HSD17B6: variants seen among roughly 807,000 people sequenced by gnomAD.
HSD17B6 encodes the protein 17-beta-hydroxysteroid dehydrogenase type 6.
HSD17B6 carries 16 observed loss-of-function variants against 26.4 expected under a neutral mutation model. The observed-to-expected ratio is 0.61, with a 90% CI of 0.41 to 0.92. HSD17B6 has a LOEUF of 0.92. Ranked by LOEUF, HSD17B6 falls within the 40% of genes least tolerant of loss-of-function variation. The probability of loss-of-function intolerance (pLI) is 0.00; values close to 1 mark genes in which losing one functional copy is unlikely to be tolerated. For missense variants in HSD17B6, 357 were observed against 386.1 expected (o/e 0.92, Z 0.63); for synonymous variants, 139 against 153.0 (o/e 0.91, Z 0.68).
At chr12:56,773,666 A>C (rs1335650653) in intron 1 of HSD17B6, among the ~76,000 whole-genome samples, 168 bp from the exon 2 acceptor site, 2 of 152,126 alleles carry the variant, frequency 1.3e-5, no homozygotes, top group Non-Finnish European at 2.9e-5. Context: ...TTGTTTGGTT[A>C]CCTCACTGAC....
At chr12:56,782,524 T>G (rs1375867583) in intron 3 of HSD17B6, among the ~76,000 whole-genome samples, 1 of 152,156 alleles carries the variant, frequency 6.6e-6, no homozygotes, top group Admixed American at 6.6e-5. Context: ...AGGGTCTCAC[T>G]CTGTTGCTCA....
chr12:56,782,265 G>A (rs560467329), intron 3 of HSD17B6, 33 bp downstream of exon 3: 2 of 1,604,294 alleles, frequency 1.2e-6, no homozygotes, highest in South Asian at 2.2e-5. Context: ...CAGCTATTGA[G>A]CACTGAAATA....
chr12:56,770,120 A>G (rs565510834), intron 1 of HSD17B6, among the ~76,000 whole-genome samples: 3 of 152,200 alleles, frequency 2.0e-5, no homozygotes, highest in South Asian at 4.2e-4. Flanking sequence ...GAGAGAGGCA[A>G]AGGGCTTCAG....
Position 56,773,913 on chromosome 12 carries a change from A to G in HSD17B6, c.61A>G (p.Arg21Gly). 1 of 1,613,044 alleles carries G rather than the reference A, an allele frequency of 6.2e-7. No individual in the cohort carries two copies. The highest frequency in any genetic ancestry group is 8.5e-7 in the Non-Finnish European group (1 of 1,179,290). ...CTACCTTCTGCACTGGTACCGGGAG[A>G]GGCAGGTGGTGAGCCACCTCCAAGA... ...LYYLLHWYRE[R>G]QVVSHLQDKY... Residue 21 changes from arginine (R) to glycine (G), a missense_variant, in exon 2 of 5, where the codon AGG becomes GGG. Transcript: ENST00000322165.
At chr12:56,774,211 AG>A in intron 2 of HSD17B6, 46 bp downstream of exon 2, 1 of 1,501,080 alleles carries the variant, frequency 6.7e-7, no homozygotes, top group South Asian at 1.3e-5. Flanking sequence ...GAAGATGCTA[AG>A]GTTATATATA....
At chr12:56,766,093 C>A (rs1443942399) in intron 1 of HSD17B6, among the ~76,000 whole-genome samples, 1 of 151,958 alleles carries the variant, frequency 6.6e-6, no homozygotes, top group Non-Finnish European at 1.5e-5. Context: ...CTCAGAAGCT[C>A]CCCCACTGAG....
intron 2 of HSD17B6, among the ~76,000 whole-genome samples, chr12:56,778,504 T>C (rs1300223332): frequency 6.6e-6 from 1 of 151,994 alleles, no homozygotes; most frequent in Non-Finnish European, 1.5e-5. Flanking sequence ...GCCAGGCTGG[T>C]GACCTCAGGT....
At chr12:56,777,969 T>C (rs1281540412) in intron 2 of HSD17B6, among the ~76,000 whole-genome samples, 1 of 152,190 alleles carries the variant, frequency 6.6e-6, no homozygotes, top group African/African-American at 2.4e-5. Flanking sequence ...ACCCGTTTAT[T>C]TCTATTGTAT....
chr12:56,772,244 ATT>A (rs1954489582), intron 1 of HSD17B6, among the ~76,000 whole-genome samples: 1 of 152,198 alleles, frequency 6.6e-6, no homozygotes, highest in East Asian at 1.9e-4. Context: ...GTTATAATGC[ATT>A]GTTGTCAGTC....
At chr12:56,772,595 C>T (rs1954498864) in intron 1 of HSD17B6, among the ~76,000 whole-genome samples, 1 of 150,346 alleles carries the variant, frequency 6.7e-6, no homozygotes, top group Non-Finnish European at 1.5e-5. Context: ...ACTCGGGAGG[C>T]TGAGGCAAGG....
rs766567845 is a variant in HSD17B6 at position 56,782,173 on chromosome 12, C to A, written c.513C>A (p.Phe171Leu). The A allele has an allele frequency of 6.2e-7, 1 of 1,614,030 alleles. No individual in the cohort carries two copies. Among genetic ancestry groups the A allele is most frequent in the African/African-American group, 1.3e-5 (1 of 74,918 alleles). Residue 171 changes from phenylalanine (F) to leucine (L), a missense_variant, in exon 3 of 5, where the codon TTC becomes TTA. Coordinates refer to ENST00000322165, the MANE Select transcript of HSD17B6 (RefSeq NM_003725.4). ...NVSSILGRVA[F>L]FVGGYCVSKY... The stretch of plus-strand genomic sequence containing the variant: ...CCAGCATTCTGGGAAGAGTTGCTTT[C>A]TTTGTAGGAGGCTACTGTGTCTCCA...
At chr12:56,772,540 T>C (rs1326182349) in intron 1 of HSD17B6, among the ~76,000 whole-genome samples, 1 of 151,406 alleles carries the variant, frequency 6.6e-6, no homozygotes, top group Non-Finnish European at 1.5e-5. Context: ...CTACTAAAAA[T>C]ACAAAATTAG....
chr12:56,784,029 A>G (rs190801170), intron 3 of HSD17B6, among the ~76,000 whole-genome samples: 11,143 of 147,322 alleles, frequency 0.076, 431 homozygotes, highest in Middle Eastern at 0.14. Context: ...CGCTCCTCAC[A>G]TCCCAGACGG....
chr12:56,779,627 G>C (rs1024267966), intron 2 of HSD17B6, among the ~76,000 whole-genome samples: 1 of 151,880 alleles, frequency 6.6e-6, no homozygotes, highest in Non-Finnish European at 1.5e-5. Context: ...TGCATATGTG[G>C]TTTATCAAAT....
chr12:56,778,537 A>C (rs1954639996), intron 2 of HSD17B6, among the ~76,000 whole-genome samples: 1 of 151,984 alleles, frequency 6.6e-6, no homozygotes, highest in Non-Finnish European at 1.5e-5. Context: ...TCGGCCTCCC[A>C]AAGTGCTGGG....
chr12:56,770,357 G>A (rs1472140186), intron 1 of HSD17B6: 2 of 152,374 alleles, frequency 1.3e-5, no homozygotes, highest in African/African-American at 4.8e-5. Context: ...TCCACTTCCT[G>A]CCCTCCAATT....
intron 2 of HSD17B6, among the ~76,000 whole-genome samples, chr12:56,780,681 ACCCCCGTCTC>A (rs1954694821): frequency 6.6e-6 from 1 of 151,046 alleles, no homozygotes; most frequent in African/African-American, 2.4e-5. Context: ...ACACGGTGAA[ACCCCCGTCTC>A]TACTAAAAAT....
chr12:56,780,567 G>T (rs1954691115), intron 2 of HSD17B6, among the ~76,000 whole-genome samples: 1 of 151,994 alleles, frequency 6.6e-6, no homozygotes, highest in Non-Finnish European at 1.5e-5. Flanking sequence ...CTTTTAAAAA[G>T]TTCTAAGTGA....
chr12:56,779,169 C>G (rs903606183), intron 2 of HSD17B6, among the ~76,000 whole-genome samples: 41 of 151,884 alleles, frequency 2.7e-4, no homozygotes, highest in African/African-American at 9.9e-4. Context: ...CAAAGTCTCA[C>G]TCTGTCATCC....
Sources: gnomAD v4.1 joint callset for allele counts (sites outside exome capture counted in the v4.1 genomes callset) on GRCh38, gnomAD v4.1.1 for gene constraint, MANE v1.5 for transcripts, NCBI Gene and HGNC (gene_info 2026-07-23, HGNC 2026-07-21) for gene names.